Variants in ELOVL6 observed in about 807,000 individuals in gnomAD.
ELOVL6 encodes the protein ELOVL fatty acid elongase 6, also known as very long chain fatty acid elongase 6.
In ELOVL6, 8 loss-of-function variants were observed where a neutral mutation model predicts 31.7. The ratio of observed to expected loss-of-function variants is 0.25; its 90% CI spans 0.15 to 0.45. ELOVL6 has a LOEUF of 0.45. Ranked by LOEUF, ELOVL6 falls within the 20% of genes least tolerant of loss-of-function variation. ELOVL6 has a pLI of 1.00. For missense variants in ELOVL6, 126 were observed against 326.4 expected, an observed-to-expected ratio of 0.39 and a Z score of 4.73; for synonymous variants, 101 against 117.7, an observed-to-expected ratio of 0.86 and a Z score of 0.92.
At chr4:110,141,161 T>A (rs1757942826) in intron 1 of ELOVL6, among the ~76,000 whole-genome samples, 2 of 152,102 alleles carry the variant, frequency 1.3e-5, no homozygotes, top group South Asian at 4.1e-4. Context: ...CCTCCCGGGT[T>A]CAAGTGATTC....
chr4:110,099,998 T>C (rs537970332), intron 2 of ELOVL6, among the ~76,000 whole-genome samples: 170 of 152,266 alleles, frequency 1.1e-3, no homozygotes, highest in Non-Finnish European at 1.9e-3. Flanking sequence ...ATAACCAGAA[T>C]TGTTCTCAGC....
chr4:110,138,636 C>G (rs77605772), intron 1 of ELOVL6, among the ~76,000 whole-genome samples: 5,324 of 146,782 alleles, frequency 0.036, 146 homozygotes, highest in South Asian at 0.074. Flanking sequence ...GAAGAACATT[C>G]AAAGGAAAAG....
rs547388969 is a variant in ELOVL6 at position 110,140,383 on chromosome 4, T to C, written c.90-34755A>G. ...CTGCTAAAAAAGAATGGATGTTGAC[T>C]CTCAGGCCCTAGTTCTTTTTAATTA... On this transcript the variant is annotated intron_variant, in intron 1 of 3. Coordinates refer to ENST00000302274, the MANE Select transcript of ELOVL6 (RefSeq NM_024090.3). 5.0e-4 allele frequency among the ~76,000 whole-genome samples: 76 copies of C among 152,262 alleles called. No homozygotes were observed. The South Asian group carries it at 0.016, about 31-fold the overall frequency.
chr4:110,109,690 C>T (rs929375270), intron 1 of ELOVL6, among the ~76,000 whole-genome samples: 5 of 152,046 alleles, frequency 3.3e-5, no homozygotes, highest in African/African-American at 7.2e-5. Context: ...TTTTTAAACT[C>T]GTGGGATTTC....
intron 1 of ELOVL6, among the ~76,000 whole-genome samples, chr4:110,131,025 AAG>A (rs1412816587): frequency 6.6e-6 from 1 of 152,356 alleles, no homozygotes; most frequent in Middle Eastern, 3.4e-3. Flanking sequence ...ATTTGAATAT[AAG>A]AGAATTTTTT....
At chr4:110,120,798 CTTTT>C (rs1008949209) in intron 1 of ELOVL6, among the ~76,000 whole-genome samples, 2 of 117,870 alleles carry the variant, frequency 1.7e-5, no homozygotes, top group Admixed American at 1.0e-4. Flanking sequence ...TTTTTCTTTT[CTTTT>C]TTTTTTTTTT....
At chr4:110,172,380 T>G (rs1369669669) in intron 1 of ELOVL6, among the ~76,000 whole-genome samples, 1 of 152,220 alleles carries the variant, frequency 6.6e-6, no homozygotes, top group African/African-American at 2.4e-5. Flanking sequence ...ATTGATCAAT[T>G]GTTGAAAATG....
intron 2 of ELOVL6, among the ~76,000 whole-genome samples, chr4:110,087,088 A>G (rs951265437): frequency 2.0e-5 from 3 of 152,036 alleles, no homozygotes; most frequent in Non-Finnish European, 4.4e-5. Flanking sequence ...TTTATTTTAA[A>G]CCAGGGTGTT....
At chr4:110,113,396 T>C (rs1757091183) in intron 1 of ELOVL6, among the ~76,000 whole-genome samples, 1 of 136,318 alleles carries the variant, frequency 7.3e-6, no homozygotes, top group African/African-American at 2.7e-5. Flanking sequence ...CTGGTCAACA[T>C]ACTGAGACCC....
intron 2 of ELOVL6, among the ~76,000 whole-genome samples, chr4:110,102,608 C>T (rs929871268): frequency 2.6e-5 from 4 of 151,292 alleles, no homozygotes; most frequent in Non-Finnish European, 5.9e-5. Flanking sequence ...TGTAGGGAGC[C>T]GTGATTGTGC....
chr4:110,063,761 A>AC (rs1313911505), intron 2 of ELOVL6, among the ~76,000 whole-genome samples: 1 of 151,402 alleles, frequency 6.6e-6, no homozygotes, highest in East Asian at 1.9e-4. Flanking sequence ...AAAAAAAAAA[A>AC]AGAAAATAAA....
At position 110,057,575 on chromosome 4, in the gene ELOVL6, G is replaced by A. The variant is rs533665844; in HGVS notation, c.373+2028C>T. On this transcript the variant is annotated intron_variant, in intron 3 of 3. Coordinates refer to ENST00000302274, the MANE Select transcript of ELOVL6 (RefSeq NM_024090.3). ...TTTAAAGAAAAAAAGCCACAGCCGG[G>A]CACAGTGGCTCATGCCTATAATACT... 2.5e-3 allele frequency among the ~76,000 whole-genome samples: 379 copies of A among 152,156 alleles called. 1 individual carries two copies. The highest frequency in any genetic ancestry group is 7.2e-3 in the African/African-American group (299 of 41,504).
intron 2 of ELOVL6, among the ~76,000 whole-genome samples, chr4:110,079,554 C>A (rs1399180747): frequency 6.6e-6 from 1 of 150,796 alleles, no homozygotes; most frequent in Non-Finnish European, 1.5e-5. Flanking sequence ...AGAACAAAGA[C>A]AGAACATACC....
intron 1 of ELOVL6, among the ~76,000 whole-genome samples, chr4:110,188,342 A>G (rs1479007008): frequency 6.6e-6 from 1 of 152,192 alleles, no homozygotes; most frequent in African/African-American, 2.4e-5. Context: ...GATACCTGAC[A>G]CGTTTCCAGT....
chr4:110,051,114 G>C lies in ELOVL6; in HGVS notation c.*224C>G, dbSNP rs1158136404. ...AAAGAGGGAATGGGGTCTTCCAGCA[G>C]CAGTGCTTGGAGATGGAGGTGCACT... On this transcript the variant is annotated 3_prime_UTR_variant, in exon 4 of 4. Transcript: ENST00000302274. This position sits in a 1 kb window ranked among gnomAD's most constrained non-coding sequence, Gnocchi z 4.8. 12 of 547,746 alleles carry C rather than the reference G, an allele frequency of 2.2e-5. No homozygotes were observed. The highest frequency in any genetic ancestry group is 6.5e-5 in the Admixed American group (2 of 30,746). 33.9% of individuals were successfully genotyped at this position (547,746 alleles called of 1,614,324 possible). A position where few individuals can be genotyped will look rare whatever the true frequency, so the allele number is the denominator to read the frequency against.
intron 1 of ELOVL6, among the ~76,000 whole-genome samples, chr4:110,166,813 C>G (rs1485479317): frequency 3.9e-5 from 6 of 152,122 alleles, no homozygotes; most frequent in Non-Finnish European, 8.8e-5. Context: ...CTGCCTTTTG[C>G]TGGAGTGTTT....
At chr4:110,065,870 A>T (rs970897931) in intron 2 of ELOVL6, among the ~76,000 whole-genome samples, 9 of 152,066 alleles carry the variant, frequency 5.9e-5, no homozygotes, top group South Asian at 4.2e-4. Context: ...TAGTTGATTT[A>T]AAAAAAAATT....
At chr4:110,141,470 T>C (rs2126261428) in intron 1 of ELOVL6, among the ~76,000 whole-genome samples, 1 of 152,062 alleles carries the variant, frequency 6.6e-6, no homozygotes, top group East Asian at 1.9e-4. Context: ...AGTAGTTCCC[T>C]GGGACCACAC....
chr4:110,129,092 G>A (rs956123038), intron 1 of ELOVL6, among the ~76,000 whole-genome samples: 1 of 152,078 alleles, frequency 6.6e-6, no homozygotes, highest in Non-Finnish European at 1.5e-5. Context: ...ATTTAGTCCA[G>A]AAAAATTATG....
Sources: allele counts gnomAD v4.1 joint callset (sites outside exome capture counted in the v4.1 genomes callset), GRCh38; gene constraint gnomAD v4.1.1; non-coding constraint Gnocchi (gnomAD v3.1); transcripts MANE v1.5; gene names NCBI Gene and HGNC (gene_info 2026-07-23, HGNC 2026-07-21).